The following ZNF717 variants were observed in gnomAD, a reference collection of about 807,000 sequenced individuals.
ZNF717 encodes zinc finger protein 717.
A neutral mutation model predicts 13.8 loss-of-function variants in ZNF717; 9 were observed. That is an observed-to-expected ratio of 0.65 (90% confidence interval 0.39 to 1.14). The LOEUF (loss-of-function observed/expected upper bound fraction) is 1.14, where lower values mean the gene tolerates loss of function less well. ZNF717 is among the 50% of genes most tolerant of loss of function. ZNF717 has a pLI of 0.01. For synonymous variants in ZNF717, 327 were observed against 364.1 expected (o/e 0.90, Z 1.16); for missense variants, 1,040 against 1,080.7 (o/e 0.96, Z 0.53).
chr3:75,729,655 A>G (rs1938403479), downstream of ZNF717, among the ~76,000 whole-genome samples: 1 of 151,260 alleles, frequency 6.6e-6, no homozygotes, highest in South Asian at 2.1e-4. Flanking sequence ...CTATCAATTT[A>G]CATTGCTATG....
chr3:75,757,736 T>C (rs982842383), intron 2 of ZNF717, among the ~76,000 whole-genome samples: 3 of 152,132 alleles, frequency 2.0e-5, no homozygotes, highest in African/African-American at 2.4e-5. Context: ...GGCAAAATAA[T>C]TGAAAATCTA....
chr3:75,767,784 G>A (rs1266087131), intron 2 of ZNF717, among the ~76,000 whole-genome samples: 2 of 151,858 alleles, frequency 1.3e-5, no homozygotes, highest in African/African-American at 4.8e-5. Flanking sequence ...TATGACAGGA[G>A]AGGGACATGA....
At chr3:75,730,873 C>T (rs1938490472), downstream of ZNF717, among the ~76,000 whole-genome samples, 1 of 152,216 alleles carries the variant, frequency 6.6e-6, no homozygotes, top group African/African-American at 2.4e-5. Context: ...GAGAAAAATC[C>T]TTTAATTGTC....
intron 2 of ZNF717, among the ~76,000 whole-genome samples, chr3:75,778,131 A>G (rs1944480943): frequency 6.6e-6 from 1 of 151,668 alleles, no homozygotes; most frequent in Admixed American, 6.6e-5. Flanking sequence ...AAACAATGTG[A>G]CTGATGTGCA....
chr3:75,701,210 A>G (rs1168603487), intron 6 of ZNF717, among the ~76,000 whole-genome samples: 1 of 152,378 alleles, frequency 6.6e-6, no homozygotes, highest in Non-Finnish European at 1.5e-5. Flanking sequence ...AGTTCTCATG[A>G]GATCTGATGG....
chr3:75,745,044 T>TA (rs1940992268), intron 2 of ZNF717, among the ~76,000 whole-genome samples: 1 of 152,076 alleles, frequency 6.6e-6, no homozygotes, highest in East Asian at 1.9e-4. Context: ...TCACATATGG[T>TA]ACCAAAACAC....
chr3:75,783,398 GA>G (rs1399172217), intron 1 of ZNF717, 34 bp from the exon 2 acceptor site: 6 of 1,520,720 alleles, frequency 3.9e-6, no homozygotes, highest in Non-Finnish European at 5.4e-6. Context: ...GAATTAAGGA[GA>G]GAACTGGTGT....
At chr3:75,745,409 C>T (rs1457150813) in intron 2 of ZNF717, among the ~76,000 whole-genome samples, 31 of 151,996 alleles carry the variant, frequency 2.0e-4, no homozygotes, top group Non-Finnish European at 3.5e-4. Flanking sequence ...AAAAAGTACG[C>T]ATACATTGTG....
chr3:75,768,158 C>T (rs1943624857), intron 2 of ZNF717, among the ~76,000 whole-genome samples: 1 of 152,236 alleles, frequency 6.6e-6, no homozygotes. Flanking sequence ...GCCTGCAGGG[C>T]AGCACCTACC....
chr3:75,753,257 G>A (rs78941054), intron 2 of ZNF717, among the ~76,000 whole-genome samples: 3 of 126,086 alleles, frequency 2.4e-5, no homozygotes, highest in Non-Finnish European at 5.5e-5. Flanking sequence ...GGGTCTAAAT[G>A]TCTGTCCCTC....
intron 6 of ZNF717, among the ~76,000 whole-genome samples, chr3:75,703,981 A>C (rs1937749161): frequency 6.6e-6 from 1 of 152,302 alleles, no homozygotes; most frequent in Non-Finnish European, 1.5e-5. Flanking sequence ...CAAGCCTGAA[A>C]AATGTATAAA....
At chr3:75,706,833 C>G (rs1937812376), downstream of ZNF717, among the ~76,000 whole-genome samples, 1 of 152,012 alleles carries the variant, frequency 6.6e-6, no homozygotes, top group African/African-American at 2.4e-5. Flanking sequence ...TGATTCAATA[C>G]AATGGGCTCC....
At position 75,737,964 on chromosome 3, in the gene ZNF717, A is replaced by T; in HGVS notation, c.1659T>A (p.His553Gln). ...TYSHKSYLTV[H>Q]HRTHTGEKPY... Reference sequence around the variant, plus strand: ...GTTTTTCCCCTGTGTGAGTTCTGTGATGTACTGTAAGGTATGACTTGTGGC... The same window carrying T: ...GTTTTTCCCCTGTGTGAGTTCTGTGTTGTACTGTAAGGTATGACTTGTGGC... Residue 553 changes from histidine to glutamine, a missense_variant, in exon 5 of 5, where the codon CAT becomes CAA. Physicochemically the swap from His to Gln is conservative, Grantham distance 24. Transcript: ENST00000652011. 6.4e-7 allele frequency: 1 copy of T among 1,554,412 alleles called. No homozygotes were observed. Among genetic ancestry groups the T allele is most frequent in the Admixed American group, 1.9e-5 (1 of 51,288 alleles).
rs111253115 is a variant in ZNF717 at position 75,764,410 on chromosome 3, T to C, written c.57+18896A>G. ...ACAATTAGAACCTGGACCCCAATTC[T>C]ACCTGAAAGTAACAGAATAACATAA... On this transcript the variant is annotated intron_variant, in intron 2 of 4. Transcript: ENST00000652011. 5.5e-3 allele frequency among the ~76,000 whole-genome samples: 838 copies of C among 152,316 alleles called. 6 individuals carry two copies. The highest frequency in any genetic ancestry group is 0.02 in the African/African-American group (818 of 41,556).
downstream of ZNF717, among the ~76,000 whole-genome samples, chr3:75,709,007 CTT>C (rs149575572): frequency 1.4e-5 from 2 of 143,092 alleles, no homozygotes; most frequent in Non-Finnish European, 1.5e-5. Flanking sequence ...TTTTTCTTTT[CTT>C]TTTTTTTTTT....
chr3:75,727,323 CA>C (rs1383700534), downstream of ZNF717, among the ~76,000 whole-genome samples: 1 of 139,880 alleles, frequency 7.1e-6, no homozygotes, highest in East Asian at 2.1e-4. Flanking sequence ...AACAGAATAA[CA>C]GCGATTTTCA....
At chr3:75,740,136 A>G (rs76149877) in intron 4 of ZNF717, among the ~76,000 whole-genome samples, 2 of 149,380 alleles carry the variant, frequency 1.3e-5, no homozygotes, top group Non-Finnish European at 3.0e-5. Flanking sequence ...TCCACTCACC[A>G]ATCGCTGCTT....
intron 4 of ZNF717, among the ~76,000 whole-genome samples, chr3:75,718,143 C>A (rs1277502799): frequency 2.0e-5 from 3 of 152,166 alleles, no homozygotes; most frequent in South Asian, 2.1e-4. Context: ...CAGAGTTACA[C>A]AGCCAGGGGA....
chr3:75,761,523 C>G (rs1338362028), intron 2 of ZNF717, among the ~76,000 whole-genome samples: 1 of 152,202 alleles, frequency 6.6e-6, no homozygotes, highest in African/African-American at 2.4e-5. Flanking sequence ...GGAATTTCTA[C>G]TCAGAATAAT....
Sources: gnomAD v4.1 joint callset for allele counts (sites outside exome capture counted in the v4.1 genomes callset) on GRCh38, gnomAD v4.1.1 for gene constraint, MANE v1.5 for transcripts, NCBI Gene and HGNC (gene_info 2026-07-23, HGNC 2026-07-21) for gene names.